ARK2C: variants seen among roughly 807,000 people sequenced by gnomAD.
ARK2C encodes arkadia (RNF111) C-terminal like ring finger ubiquitin ligase 2C, also known as E3 ubiquitin-protein ligase ARK2C.
chr18:46,371,257 G>T, the ARK2C span, among the ~76,000 whole-genome samples: 2 of 152,138 alleles, frequency 1.3e-5, no homozygotes, highest in Non-Finnish European at 2.9e-5. Flanking sequence ...GACGAGATTT[G>T]CATGGGGACA....
the ARK2C span, among the ~76,000 whole-genome samples, chr18:46,358,379 A>ACAG: frequency 6.6e-6 from 1 of 152,330 alleles, no homozygotes; most frequent in Admixed American, 6.5e-5. Context: ...AGGAATGTAC[A>ACAG]CAGCACACCC....
At chr18:46,397,719 T>TGG in the ARK2C span, among the ~76,000 whole-genome samples, 15 of 121,702 alleles carry the variant, frequency 1.2e-4, no homozygotes, top group Admixed American at 8.6e-5. Flanking sequence ...TGTGTGCATG[T>TGG]GGTGTGTGTG....
the ARK2C span, among the ~76,000 whole-genome samples, chr18:46,393,371 A>G: frequency 1.3e-5 from 2 of 151,808 alleles, no homozygotes; most frequent in African/African-American, 2.4e-5. Flanking sequence ...TGACAGGCAG[A>G]CACCTTCCCG....
the ARK2C span, among the ~76,000 whole-genome samples, chr18:46,359,828 C>A: frequency 1.3e-5 from 2 of 152,138 alleles, no homozygotes; most frequent in African/African-American, 4.8e-5. Flanking sequence ...TGCATTCCAG[C>A]CAGAGGATGG....
the ARK2C span, chr18:46,336,268 A>C: frequency 1.0e-6 from 1 of 985,366 alleles, no homozygotes; most frequent in Non-Finnish European, 1.2e-6. Flanking sequence ...ATCCTCATTA[A>C]TACCACCAAT....
chr18:46,334,671 CGT>C, the ARK2C span: 10,481 of 303,654 alleles, frequency 0.035, 138 homozygotes, highest in East Asian at 0.046. This position sits in a 1 kb window ranked among gnomAD's most constrained non-coding sequence, Gnocchi z 4.4. Context: ...GATACATGAC[CGT>C]GTGTGTGTGT....
chr18:46,357,101 A>G, the ARK2C span, among the ~76,000 whole-genome samples: 1 of 152,218 alleles, frequency 6.6e-6, no homozygotes, highest in Non-Finnish European at 1.5e-5. Flanking sequence ...GTGTTTGCGA[A>G]TTTCAAGTAT....
chr18:46,403,631 A>G, the ARK2C span, among the ~76,000 whole-genome samples: 1 of 152,182 alleles, frequency 6.6e-6, no homozygotes, highest in Non-Finnish European at 1.5e-5. Flanking sequence ...TAATCCCAGC[A>G]CTTTGGGAGG....
At chr18:46,427,437 G>C in the ARK2C span, among the ~76,000 whole-genome samples, 1 of 152,200 alleles carries the variant, frequency 6.6e-6, no homozygotes, top group Non-Finnish European at 1.5e-5. Context: ...CTCATGGCAG[G>C]AGGGGCTGCT....
chr18:46,408,705 C>T, the ARK2C span, among the ~76,000 whole-genome samples: 1 of 152,184 alleles, frequency 6.6e-6, no homozygotes, highest in Non-Finnish European at 1.5e-5. Flanking sequence ...TGGAACAGTC[C>T]GAGGTCACAT....
chr18:46,337,087 C>T, the ARK2C span: 2 of 985,196 alleles, frequency 2.0e-6, no homozygotes, highest in African/African-American at 3.5e-5. Flanking sequence ...TGCTCGCCAG[C>T]CAGACCTGCT....
the ARK2C span, among the ~76,000 whole-genome samples, chr18:46,379,024 G>A: frequency 1.3e-5 from 2 of 152,224 alleles, no homozygotes; most frequent in Non-Finnish European, 2.9e-5. Flanking sequence ...AGTAGGGAAG[G>A]AGCGGGGCAC....
chr18:46,453,120 T>C, the ARK2C span, among the ~76,000 whole-genome samples: 1 of 152,174 alleles, frequency 6.6e-6, no homozygotes, highest in Admixed American at 6.5e-5. Flanking sequence ...TATAGGCAGC[T>C]CCTCTCAAGG....
At chr18:46,450,424 A>G in the ARK2C span, 41 of 1,535,240 alleles carry the variant, frequency 2.7e-5, no homozygotes, top group Non-Finnish European at 3.6e-5. Flanking sequence ...TCTGGTACCA[A>G]CTGGGTTGGT....
At chr18:46,416,761 A>G in the ARK2C span, among the ~76,000 whole-genome samples, 1 of 152,228 alleles carries the variant, frequency 6.6e-6, no homozygotes, top group Non-Finnish European at 1.5e-5. Context: ...ATGGTCTGTC[A>G]TTCTCCAGCA....
the ARK2C span, among the ~76,000 whole-genome samples, chr18:46,365,055 A>G: frequency 1.3e-5 from 2 of 152,300 alleles, no homozygotes; most frequent in East Asian, 3.9e-4. Context: ...CTAATGCCCT[A>G]TAAGTCTCTG....
chr18:46,353,710 C>T, the ARK2C span, among the ~76,000 whole-genome samples: 1 of 152,158 alleles, frequency 6.6e-6, no homozygotes, highest in African/African-American at 2.4e-5. Context: ...CTTCCCACAG[C>T]GTTGTGGCCC....
chr18:46,344,335 G>A, the ARK2C span, among the ~76,000 whole-genome samples: 3,634 of 152,042 alleles, frequency 0.024, 71 homozygotes, highest in Middle Eastern at 0.048. Context: ...AGGGGTGGAG[G>A]CGCTCTCCAT....
the ARK2C span, among the ~76,000 whole-genome samples, chr18:46,436,909 G>T: frequency 6.6e-6 from 1 of 152,216 alleles, no homozygotes; most frequent in Non-Finnish European, 1.5e-5. Flanking sequence ...GCATATGGCT[G>T]AGTGATTGGA....
Sources: allele counts gnomAD v4.1 joint callset (sites outside exome capture counted in the v4.1 genomes callset), GRCh38; gene constraint gnomAD v4.1.1; non-coding constraint Gnocchi (gnomAD v3.1); transcripts MANE v1.5; gene names NCBI Gene and HGNC (gene_info 2026-07-23, HGNC 2026-07-21).